TPX2: variants seen among roughly 807,000 people sequenced by gnomAD.
The protein encoded by TPX2 is TPX2 microtubule nucleation factor.
TPX2 carries 21 observed loss-of-function variants against 93.6 expected under a neutral mutation model. The ratio of observed to expected loss-of-function variants is 0.22; its 90% confidence interval spans 0.16 to 0.32. The LOEUF (loss-of-function observed/expected upper bound fraction) is 0.32. Among genes scored for constraint, TPX2 ranks in the 10% least tolerant of loss-of-function variants. The pLI is 1.00. For synonymous variants in TPX2, 281 were observed against 298.3 expected (o/e 0.94, Z 0.60); for missense variants, 776 against 871.1 (o/e 0.89, Z 1.37).
intron 13 of TPX2, 143 bp downstream of exon 13, chr20:31,792,973 C>T: frequency 1.4e-6 from 1 of 720,466 alleles, no homozygotes; most frequent in Non-Finnish European, 2.3e-6. Flanking sequence ...AACATTTGTT[C>T]ATTTTTTTTG....
chr20:31,777,586 A>C lies in TPX2; in HGVS notation c.830A>C (p.Glu277Ala), dbSNP rs756335100. The C allele has an allele frequency of 6.2e-7, 1 of 1,614,186 alleles. No homozygotes were observed. Among genetic ancestry groups the C allele is most frequent in the Non-Finnish European group, 8.5e-7 (1 of 1,180,026 alleles). Residue 277 changes from glutamate (E) to alanine (A), a missense_variant, in exon 9 of 18, where the codon GAA becomes GCA. Coordinates refer to ENST00000300403, the MANE Select transcript of TPX2 (RefSeq NM_012112.5). ...RIKQHPKNQEEYKEVNFTSEL... is the reference protein window; with the variant it reads ...RIKQHPKNQEAYKEVNFTSEL... ...AAACAACATCCTAAGAACCAGGAGG[A>C]ATATAAGGAAGTGAACTTTACATCT...
At chr20:31,781,899 C>T (rs1351785886) in intron 10 of TPX2, among the ~76,000 whole-genome samples, 1 of 151,832 alleles carries the variant, frequency 6.6e-6, no homozygotes, top group Non-Finnish European at 1.5e-5. Context: ...AGCCTTTATG[C>T]CCCTGCACTC....
chr20:31,786,282 G>A (rs1251886862), intron 12 of TPX2, among the ~76,000 whole-genome samples: 1 of 150,330 alleles, frequency 6.7e-6, no homozygotes, highest in Middle Eastern at 3.5e-3. Context: ...AAAAATAGAG[G>A]TTACCTTTTA....
rs1456499751 is a variant in TPX2, at chr20:31,778,979, A to T, written c.1049A>T (p.Asp350Val). The part of the protein sequence containing the change: ...NRYHLRSKKD[D>V]INLLPSKSSV... ...TATCATTTGAGGAGCAAGAAGGATGATATTAGTAAGTTTCCTACCAGTATC... is the reference window on the plus strand; with the variant it reads ...TATCATTTGAGGAGCAAGAAGGATGTTATTAGTAAGTTTCCTACCAGTATC... Residue 350 changes from aspartate to valine, a missense_variant, in exon 10 of 18, where the codon GAT becomes GTT. This residue lies in a region of TPX2 where 461 missense variants were observed against 551.2 expected (regional missense o/e 0.84). Coordinates refer to ENST00000300403, the MANE Select transcript of TPX2 (RefSeq NM_012112.5). 1 of 1,584,114 alleles carries T rather than the reference A, an allele frequency of 6.3e-7. No homozygotes were observed. The highest frequency in any genetic ancestry group is 1.2e-5 in the South Asian group (1 of 85,226).
chr20:31,756,692 C>T (rs768159294), intron 2 of TPX2, among the ~76,000 whole-genome samples: 7 of 151,932 alleles, frequency 4.6e-5, no homozygotes, highest in Admixed American at 1.3e-4. Context: ...GGCGCGATCT[C>T]GACTCACTGC....
chr20:31,773,627 CTTA>C (rs2123033205), intron 7 of TPX2, among the ~76,000 whole-genome samples: 1 of 152,086 alleles, frequency 6.6e-6, no homozygotes, highest in African/African-American at 2.4e-5. Flanking sequence ...TTTTTATTTT[CTTA>C]TTATCTCATC....
intron 10 of TPX2, among the ~76,000 whole-genome samples, chr20:31,780,767 GGTGATGTCTT>G (rs1482552242): frequency 1.3e-5 from 2 of 152,034 alleles, no homozygotes; most frequent in African/African-American, 4.8e-5. Flanking sequence ...AATGAGTGGT[GGTGATGTCTT>G]AATATTGATG....
At chr20:31,752,982 G>A (rs893033374) in intron 2 of TPX2, among the ~76,000 whole-genome samples, 10 of 152,056 alleles carry the variant, frequency 6.6e-5, no homozygotes, top group Non-Finnish European at 1.2e-4. Flanking sequence ...ACATTCAAGG[G>A]CACACAGCTT....
At chr20:31,751,944 T>C (rs2061822790) in intron 2 of TPX2, among the ~76,000 whole-genome samples, 1 of 152,258 alleles carries the variant, frequency 6.6e-6, no homozygotes, top group South Asian at 2.1e-4. Context: ...GGTTTCACCA[T>C]GTTGGTGAGG....
At chr20:31,774,052 A>T (rs1051434489) in intron 7 of TPX2, among the ~76,000 whole-genome samples, 1 of 151,972 alleles carries the variant, frequency 6.6e-6, no homozygotes, top group Non-Finnish European at 1.5e-5. Context: ...TTGTATGTTT[A>T]GTAGAGATGG....
At chr20:31,783,622 T>A in intron 11 of TPX2, 83 bp from the exon 12 acceptor site, 2 of 1,290,084 alleles carry the variant, frequency 1.6e-6, no homozygotes, top group Non-Finnish European at 2.2e-6. Context: ...TGATTACTAT[T>A]CTTTGTGGTT....
intron 3 of TPX2, 54 bp from the exon 4 acceptor site, chr20:31,760,003 T>C: frequency 3.8e-6 from 6 of 1,599,644 alleles, no homozygotes; most frequent in Middle Eastern, 1.7e-4. Flanking sequence ...TGCGTGATAG[T>C]GATTTGTTTT....
intron 5 of TPX2, among the ~76,000 whole-genome samples, chr20:31,767,685 G>C (rs1432724172): frequency 6.6e-6 from 1 of 151,952 alleles, no homozygotes; most frequent in East Asian, 1.9e-4. Context: ...CTGCGTAGCT[G>C]GGACTACAGG....
intron 4 of TPX2, among the ~76,000 whole-genome samples, chr20:31,763,661 A>G (rs557319299): frequency 6.6e-6 from 1 of 151,338 alleles, no homozygotes; most frequent in Non-Finnish European, 1.5e-5. Flanking sequence ...TAGGATTGTT[A>G]TGTCACGTTG....
intron 9 of TPX2, 73 bp downstream of exon 9, chr20:31,777,711 C>A: frequency 1.3e-6 from 2 of 1,509,312 alleles, no homozygotes; most frequent in South Asian, 1.2e-5. Context: ...CATTTGTGGT[C>A]ACTGTTTATA....
At chr20:31,778,613 G>C (rs112147686) in intron 9 of TPX2, among the ~76,000 whole-genome samples, 200 bp from the exon 10 acceptor site, 1,934 of 152,244 alleles carry the variant, frequency 0.013, 34 homozygotes, top group African/African-American at 0.045. Flanking sequence ...TTAAGTGCTA[G>C]ATCCTTTCTT....
chr20:31,767,298 G>T (rs769154939), intron 5 of TPX2, among the ~76,000 whole-genome samples: 1 of 152,070 alleles, frequency 6.6e-6, no homozygotes, highest in African/African-American at 2.4e-5. Context: ...GTTTCCAAAG[G>T]CCTTGTATGG....
chr20:31,740,746 G>C (rs1261243219), intron 1 of TPX2, among the ~76,000 whole-genome samples: 1 of 152,178 alleles, frequency 6.6e-6, no homozygotes, highest in Admixed American at 6.5e-5. Flanking sequence ...TTAGAGGTGA[G>C]GGAGTTCAAG....
intron 2 of TPX2, among the ~76,000 whole-genome samples, chr20:31,751,906 C>A (rs1015595935): frequency 6.6e-6 from 1 of 152,148 alleles, no homozygotes; most frequent in Non-Finnish European, 1.5e-5. Flanking sequence ...CCACACCTGG[C>A]TAATTTTTAT....
Sources: gnomAD v4.1 joint callset for allele counts (sites outside exome capture counted in the v4.1 genomes callset) on GRCh38, gnomAD v4.1.1 for gene constraint, gnomAD v4.1.1 regional missense constraint, MANE v1.5 for transcripts, NCBI Gene and HGNC (gene_info 2026-07-23, HGNC 2026-07-21) for gene names.